SNED1: variants seen among roughly 807,000 people sequenced by gnomAD.
SNED1 encodes the protein sushi, nidogen and EGF-like domain-containing protein 1.
Under a neutral mutation model 166.7 loss-of-function variants are expected in SNED1, and 81 were observed. The ratio of observed to expected loss-of-function variants is 0.49; its 90% CI spans 0.41 to 0.58. The LOEUF is 0.58. SNED1 is among the 20% of genes least tolerant of loss of function. The probability of loss-of-function intolerance (pLI) is 0.00; values close to 1 mark genes in which losing one functional copy is unlikely to be tolerated. For synonymous variants in SNED1, 762 were observed against 822.0 expected (o/e 0.93, Z 1.25); for missense variants, 1,604 against 2,000.2 (o/e 0.80, Z 3.78).
Position 241,089,438 on chromosome 2 carries a change from T to G in SNED1, c.*1+1036T>G. 1.9e-6 allele frequency: 3 copies of G among 1,548,376 alleles called. No individual in the cohort carries two copies. In the East Asian group the frequency reaches 7.3e-5, roughly 38 times the overall value. ...CAGAAGCAAAACAGCTTTTCAGATA[T>G]AGGCTCACACACACCAAAGGAAGAG... On this transcript the variant is annotated intron_variant, in intron 31 of 31. Coordinates refer to ENST00000310397, the MANE Select transcript of SNED1 (RefSeq NM_001080437.3).
chr2:241,034,836 G>C, intron 4 of SNED1, 106 bp downstream of exon 4: 1 of 1,252,678 alleles, frequency 8.0e-7, no homozygotes. Context: ...GGGGAGAGCA[G>C]GAGCACTTGG....
chr2:241,072,951 T>C, intron 26 of SNED1: 1 of 405,292 alleles, frequency 2.5e-6, no homozygotes, highest in Non-Finnish European at 4.4e-6. Flanking sequence ...AATTTGACCC[T>C]AAGAAGAAAG....
rs1380614188 is a variant in SNED1, at chr2:241,049,109, G to A, written c.1592G>A (p.Cys531Tyr). ...MEHGGSYLCV[C>Y]HTDHNASHSL... ...CACGGCGGGAGCTACCTCTGCGTCTGCCACACCGACCACAATGCCAGCCAC... is the reference window on the plus strand; with the variant it reads ...CACGGCGGGAGCTACCTCTGCGTCTACCACACCGACCACAATGCCAGCCAC... Residue 531 changes from cysteine to tyrosine, a missense_variant, in exon 11 of 32, where the codon TGC (cysteine) becomes TAC (tyrosine). This residue lies in a region of SNED1 where 1,237 missense variants were observed against 1,620.8 expected (regional missense o/e 0.76). Transcript: ENST00000310397. 1 of 1,611,888 alleles carries A rather than the reference G, an allele frequency of 6.2e-7. No homozygotes were observed. The highest frequency in any genetic ancestry group is 1.7e-5 in the Admixed American group (1 of 59,848).
chr2:241,037,389 T>TG (rs2061408509), intron 6 of SNED1, 36 bp downstream of exon 6: 1 of 1,404,282 alleles, frequency 7.1e-7, no homozygotes, highest in South Asian at 1.2e-5. Context: ...GGGGCCCTGC[T>TG]GGGGGCAGGA....
chr2:241,091,800 C>T lies in SNED1; in HGVS notation c.*164C>T. 6.6e-6 allele frequency: 1 copy of T among 152,654 alleles called. No homozygotes were observed. Among genetic ancestry groups the T allele is most frequent in the Non-Finnish European group, 1.5e-5 (1 of 68,314 alleles). The allele number at this position is 152,654 out of a possible 1,614,324, so 9.5% of individuals were successfully genotyped here. On this transcript the variant is annotated 3_prime_UTR_variant, in exon 32 of 32. Coordinates refer to ENST00000310397, the MANE Select transcript of SNED1 (RefSeq NM_001080437.3). This position sits in a 1 kb window ranked among gnomAD's most constrained non-coding sequence, Gnocchi z 4.1. ...CCTCAGGCCTCTAGAGGACAGATGG[C>T]CAGGCCTGTGCACACACCAGCCCAC...
At chr2:241,081,881 G>A (rs535672728) in intron 28 of SNED1, 88 bp downstream of exon 28, 22 of 1,008,214 alleles carry the variant, frequency 2.2e-5, no homozygotes, top group African/African-American at 1.3e-4. Flanking sequence ...GGTTTGCCAC[G>A]GGAGCCTCCA....
chr2:241,045,108 A>C (rs2125064612), intron 8 of SNED1, among the ~76,000 whole-genome samples: 1 of 152,384 alleles, frequency 6.6e-6, no homozygotes, highest in African/African-American at 2.4e-5. Flanking sequence ...CTAAAACATT[A>C]GAGAATTTGC....
intron 20 of SNED1, among the ~76,000 whole-genome samples, 160 bp downstream of exon 20, chr2:241,065,117 C>T (rs145897829): frequency 3.9e-5 from 6 of 152,160 alleles, no homozygotes; most frequent in East Asian, 3.9e-4. Context: ...GCTTGAAACA[C>T]GGTCACACAT....
chr2:241,040,950 T>G, intron 8 of SNED1: 1 of 414,130 alleles, frequency 2.4e-6, no homozygotes, highest in Admixed American at 3.1e-5. Flanking sequence ...AAAAATGGCT[T>G]TCGTGTCTGA....
intron 1 of SNED1, among the ~76,000 whole-genome samples, chr2:241,019,864 T>C (rs984537460): frequency 8.5e-5 from 13 of 152,274 alleles, no homozygotes; most frequent in African/African-American, 3.1e-4. Context: ...AGGCTTTTTC[T>C]GTAGAGGGCC....
chr2:241,086,367 A>ACT (rs3085961), intron 29 of SNED1, among the ~76,000 whole-genome samples: 135,998 of 152,144 alleles, frequency 0.89, 60,992 homozygotes, highest in African/African-American at 0.97. Flanking sequence ...CCTCTTCAGT[A>ACT]CTGCCCCACA....
Position 241,037,293 on chromosome 2 carries a change from G to A in SNED1, c.985G>A (p.Gly329Ser), listed in dbSNP as rs372731916. ...PCQNGGTCTH[G>S]INSFRCQCPA... ...TCAGAATGGTGGGACCTGTACTCACGGCATCAACAGTTTCCGCTGCCAGTG... is the reference window on the plus strand; with the variant it reads ...TCAGAATGGTGGGACCTGTACTCACAGCATCAACAGTTTCCGCTGCCAGTG... The change falls in exon 6 of 32, where the codon GGC (glycine) becomes AGC (serine). Residue 329 changes from glycine to serine, a missense_variant. Transcript: ENST00000310397. 1.1e-4 allele frequency: 171 copies of A among 1,611,336 alleles called. No homozygotes were observed. Among genetic ancestry groups the A allele is most frequent in the East Asian group, 1.6e-4 (7 of 44,842 alleles).
chr2:241,031,010 C>T (rs1381655803), intron 2 of SNED1, among the ~76,000 whole-genome samples: 1 of 152,180 alleles, frequency 6.6e-6, no homozygotes, highest in African/African-American at 2.4e-5. Context: ...GACACCTGCC[C>T]ACTCCGGTGG....
At chr2:241,053,126 T>TGC (rs758703135) in intron 15 of SNED1, 27 bp from the exon 16 acceptor site, 2 of 1,597,846 alleles carry the variant, frequency 1.3e-6, no homozygotes, top group South Asian at 2.2e-5. Flanking sequence ...CACAGGACCG[T>TGC]GCGAGACAGG....
intron 6 of SNED1, among the ~76,000 whole-genome samples, 188 bp downstream of exon 6, chr2:241,037,541 G>C (rs938796337): frequency 2.0e-5 from 3 of 152,208 alleles, no homozygotes; most frequent in Non-Finnish European, 2.9e-5. Context: ...TCTGGGTAGG[G>C]GGCAGGAGCC....
Position 241,077,361 on chromosome 2 carries a change from T to C in SNED1, c.3916+3997T>C, listed in dbSNP as rs546039453. On this transcript the variant is annotated intron_variant, in intron 27 of 31. Coordinates refer to ENST00000310397, the MANE Select transcript of SNED1 (RefSeq NM_001080437.3). ...AGTAAATCTTCATGACCTTCGATCA[T>C]GAGGGTCCTTAGGCTCAACAATAAA... Among the ~76,000 whole-genome samples, 3 of 152,294 alleles carry C rather than the reference T, an allele frequency of 2.0e-5. No individual in the cohort carries two copies. The East Asian group carries it at 5.8e-4, about 29-fold the overall frequency.
At position 241,062,878 on chromosome 2, in the gene SNED1, G is replaced by A; in HGVS notation, c.2345G>A (p.Gly782Asp). The change falls in exon 17 of 32, where the codon GGC becomes GAC. Residue 782 changes from glycine (G) to aspartate (D), a missense_variant. By Grantham distance (94) the Gly-to-Asp change is moderately conservative. Transcript: ENST00000310397. ...VAGYLCLCST[G>D]YEGAHCELER... ...GGGTACCTGTGCCTCTGCAGCACAG[G>A]CTATGAGGGCGCCCACTGTGAGCTG... 6.2e-7 allele frequency: 1 copy of A among 1,607,348 alleles called. No individual in the cohort carries two copies. The highest frequency in any genetic ancestry group is 2.2e-5 in the East Asian group (1 of 44,724).
intron 27 of SNED1, among the ~76,000 whole-genome samples, chr2:241,081,343 C>A (rs1243480263): frequency 2.6e-5 from 4 of 152,170 alleles, no homozygotes; most frequent in African/African-American, 7.2e-5. Context: ...GGAGGGGCCA[C>A]AGGCCAGTGG....
chr2:241,092,411 T>A lies in SNED1; in HGVS notation c.*775T>A, dbSNP rs907870881. The A allele has an allele frequency of 6.6e-6, 1 of 152,140 alleles. No individual in the cohort carries two copies. Among genetic ancestry groups the A allele is most frequent in the Non-Finnish European group, 1.5e-5 (1 of 68,004 alleles). 9.4% of individuals were successfully genotyped at this position (152,140 alleles called of 1,614,324 possible). ...TTGAATGGCTGCGGCTATGTTCCAA[T>A]AAAAACTTATTTACAATAACAGGTG... is the stretch of plus-strand genomic sequence containing the variant. On this transcript the variant is annotated 3_prime_UTR_variant, in exon 32 of 32. Coordinates refer to ENST00000310397, the MANE Select transcript of SNED1 (RefSeq NM_001080437.3). This position sits in a 1 kb window ranked among gnomAD's most constrained non-coding sequence, Gnocchi z 4.6.
Sources: gnomAD v4.1 joint callset for allele counts (sites outside exome capture counted in the v4.1 genomes callset) on GRCh38, gnomAD v4.1.1 for gene constraint, gnomAD v4.1.1 regional missense constraint, Gnocchi (gnomAD v3.1) non-coding constraint, MANE v1.5 for transcripts, NCBI Gene and HGNC (gene_info 2026-07-23, HGNC 2026-07-21) for gene names.